Variants in P2RY12 observed in about 807,000 individuals in gnomAD.
The protein encoded by P2RY12 is purinergic receptor P2Y12.
P2RY12 carries 3 observed loss-of-function variants against 4.5 expected under a neutral mutation model. The ratio of observed to expected loss-of-function variants is 0.67; its 90% CI spans 0.31 to 1.74. The LOEUF (loss-of-function observed/expected upper bound fraction) is 1.74, where lower values mean the gene tolerates loss of function less well. P2RY12 is among the 40% of genes most tolerant of loss of function. P2RY12 has a pLI of 0.09. For synonymous variants in P2RY12, 148 were observed against 154.1 expected, an observed-to-expected ratio of 0.96 and a Z score of 0.29; for missense variants, 356 against 407.8, an observed-to-expected ratio of 0.87 and a Z score of 1.09.
intron 1 of P2RY12, among the ~76,000 whole-genome samples, chr3:151,357,629 G>A (rs1754089786): frequency 6.6e-6 from 1 of 152,006 alleles, no homozygotes; most frequent in East Asian, 1.9e-4. Context: ...TAAGTACAAA[G>A]CTAGTCATTT....
At chr3:151,357,999 T>A (rs1754133345) in intron 1 of P2RY12, among the ~76,000 whole-genome samples, 1 of 152,174 alleles carries the variant, frequency 6.6e-6, no homozygotes, top group African/African-American at 2.4e-5. Flanking sequence ...TTTTATCCAC[T>A]CTCCAGGGCT....
intron 1 of P2RY12, among the ~76,000 whole-genome samples, chr3:151,346,007 A>G (rs951633309): frequency 2.0e-5 from 3 of 152,138 alleles, no homozygotes; most frequent in African/African-American, 7.2e-5. Context: ...TTGAGCAGTG[A>G]TTCTTTTCCA....
At chr3:151,375,685 A>T (rs1335080137) in intron 1 of P2RY12, among the ~76,000 whole-genome samples, 2 of 152,168 alleles carry the variant, frequency 1.3e-5, no homozygotes, top group Non-Finnish European at 2.9e-5. Flanking sequence ...CGTATATCTG[A>T]TAGAATCATT....
intron 1 of P2RY12, chr3:151,369,572 CT>C: frequency 1.4e-6 from 2 of 1,474,232 alleles, no homozygotes; most frequent in Non-Finnish European, 1.9e-6. Context: ...TGACCCTAAG[CT>C]TCTTGGTTAA....
At chr3:151,367,507 A>T in intron 1 of P2RY12, 1 of 658,968 alleles carries the variant, frequency 1.5e-6, no homozygotes, top group Non-Finnish European at 2.4e-6. Context: ...AATCATCATG[A>T]TATGTTATCA....
chr3:151,338,239 A>G lies in P2RY12; in HGVS notation c.607T>C (p.Leu203=). ...AGTGTATAACATACAATAACAATTA[A>G]GAAATTAATCCAGAAAATGACTTGA... is the stretch of plus-strand genomic sequence containing the variant. ...ICQVIFWINF[L]IVIVCYTLIT... is the part of the protein sequence containing the mutation. Residue 203 remains leucine (L), a synonymous_variant, in exon 3 of 3, where the codon TTA becomes CTA. Transcript: ENST00000302632. 1 of 1,614,160 alleles carries G rather than the reference A, an allele frequency of 6.2e-7. No individual in the cohort carries two copies. Among genetic ancestry groups the G allele is most frequent in the African/African-American group, 1.3e-5 (1 of 75,068 alleles).
intron 1 of P2RY12, chr3:151,384,361 C>G: frequency 1.3e-6 from 1 of 798,818 alleles, no homozygotes; most frequent in Non-Finnish European, 1.9e-6. Context: ...TTTCACCTAA[C>G]CTTATTAGTA....
intron 1 of P2RY12, chr3:151,378,244 CTGTG>C: frequency 7.0e-7 from 1 of 1,424,156 alleles, no homozygotes; most frequent in Non-Finnish European, 9.4e-7. Context: ...TCCTGTAAAC[CTGTG>C]TGGTCACTGT....
At chr3:151,362,117 C>T (rs1754683584) in intron 1 of P2RY12, among the ~76,000 whole-genome samples, 2 of 151,986 alleles carry the variant, frequency 1.3e-5, no homozygotes, top group African/African-American at 4.8e-5. Context: ...AGAACCTGCC[C>T]ATTCTTCACC....
intron 1 of P2RY12, among the ~76,000 whole-genome samples, chr3:151,342,782 T>A (rs1408770275): frequency 6.6e-6 from 1 of 152,230 alleles, no homozygotes; most frequent in Non-Finnish European, 1.5e-5. Flanking sequence ...TTAGCCTTCC[T>A]TATTTGTTGG....
At chr3:151,339,900 T>TC (rs1355481401) in intron 2 of P2RY12, among the ~76,000 whole-genome samples, 2 of 152,180 alleles carry the variant, frequency 1.3e-5, no homozygotes, top group Non-Finnish European at 2.9e-5. Flanking sequence ...ATTGATTCTA[T>TC]ATAAAATATT....
At chr3:151,360,382 C>T in intron 1 of P2RY12, 1 of 1,157,748 alleles carries the variant, frequency 8.6e-7, no homozygotes, top group South Asian at 1.6e-5. Flanking sequence ...TTTTCTTACC[C>T]AAGTGATACA....
rs911824376 is a variant in P2RY12 at position 151,338,193 on chromosome 3, C to T, written c.653G>A (p.Arg218Gln). 26 of 1,613,860 alleles carry T rather than the reference C, an allele frequency of 1.6e-5. No homozygotes were observed. Among genetic ancestry groups the T allele is most frequent in the East Asian group, 2.2e-5 (1 of 44,896 alleles). ...CYTLITKELY[R>Q]SYVRTRGVGK... Reference sequence around the variant, plus strand: ...TACACCCCTCGTTCTTACGTATGACCGGTACAGTTCTTTTGTAATGAGTGT... The same window carrying T: ...TACACCCCTCGTTCTTACGTATGACTGGTACAGTTCTTTTGTAATGAGTGT... The change falls in exon 3 of 3, where the codon CGG becomes CAG. Residue 218 changes from arginine (R) to glutamine (Q), a missense_variant. Transcript: ENST00000302632.
intron 1 of P2RY12, among the ~76,000 whole-genome samples, chr3:151,356,416 T>TA: frequency 6.6e-6 from 1 of 152,100 alleles, no homozygotes; most frequent in South Asian, 2.1e-4. Context: ...AAATAAAATT[T>TA]AAAAAATAAA....
intron 1 of P2RY12, among the ~76,000 whole-genome samples, chr3:151,368,595 ATT>A (rs1392019802): frequency 3.9e-5 from 2 of 51,390 alleles, no homozygotes; most frequent in South Asian, 6.8e-4. Context: ...GATTTATTTT[ATT>A]TTATTTTATT....
intron 1 of P2RY12, among the ~76,000 whole-genome samples, chr3:151,363,031 C>T (rs148859096): frequency 1.3e-5 from 2 of 151,950 alleles, no homozygotes; most frequent in South Asian, 4.1e-4. Context: ...GCCTATTTGA[C>T]CCTTAATACT....
At chr3:151,368,678 TC>T (rs1755715746) in intron 1 of P2RY12, among the ~76,000 whole-genome samples, 2 of 47,258 alleles carry the variant, frequency 4.2e-5, no homozygotes, top group East Asian at 4.5e-4. Context: ...TCATTTCATG[TC>T]ATTTCATTTT....
intron 1 of P2RY12, chr3:151,367,646 G>A (rs1755448960): frequency 6.2e-7 from 1 of 1,601,616 alleles, no homozygotes; most frequent in African/African-American, 1.3e-5. Context: ...TTTCTTGAAG[G>A]TGAGTGACCT....
intron 1 of P2RY12, among the ~76,000 whole-genome samples, chr3:151,348,340 CAAAAAAAAAAAA>C (rs11382065): frequency 3.8e-4 from 33 of 87,820 alleles, no homozygotes; most frequent in African/African-American, 1.4e-3. Flanking sequence ...ACCACCAGAC[CAAAAAAAAAAAA>C]AAAAAAAAAA....
Sources: gnomAD v4.1 joint callset for allele counts (sites outside exome capture counted in the v4.1 genomes callset) on GRCh38, gnomAD v4.1.1 for gene constraint, MANE v1.5 for transcripts, NCBI Gene and HGNC (gene_info 2026-07-23, HGNC 2026-07-21) for gene names.